The following KIF6 variants were observed in gnomAD, a reference collection of about 807,000 sequenced individuals.
The protein encoded by KIF6 is kinesin family member 6, also known as kinesin-like protein KIF6.
In KIF6, 106 loss-of-function variants were observed where a neutral mutation model predicts 112.7. The ratio of observed to expected loss-of-function variants is 0.94; its 90% confidence interval spans 0.80 to 1.11. The LOEUF is 1.11. Ranked by LOEUF, KIF6 falls within the 50% of genes least tolerant of loss-of-function variation. The probability of loss-of-function intolerance (pLI) is 0.00; values close to 1 mark genes in which losing one functional copy is unlikely to be tolerated. For missense variants in KIF6, 929 were observed against 964.0 expected, an observed-to-expected ratio of 0.96 and a Z score of 0.48; for synonymous variants, 339 against 339.9, an observed-to-expected ratio of 1.00 and a Z score of 0.03.
At chr6:39,346,561 C>T in intron 19 of KIF6, 35 bp from the exon 20 acceptor site, 1 of 688,660 alleles carries the variant, frequency 1.5e-6, no homozygotes, top group Non-Finnish European at 2.6e-6. Flanking sequence ...TTGAGCCACT[C>T]AGTCTATAGT....
At chr6:39,604,867 A>T (rs1483257821) in intron 6 of KIF6, among the ~76,000 whole-genome samples, 1 of 152,100 alleles carries the variant, frequency 6.6e-6, no homozygotes, top group Non-Finnish European at 1.5e-5. Flanking sequence ...CGACTCAAAA[A>T]TTTTGGGAAA....
intron 1 of KIF6, among the ~76,000 whole-genome samples, chr6:39,723,239 G>C (rs1370339977): frequency 6.6e-6 from 1 of 152,056 alleles, no homozygotes; most frequent in Admixed American, 6.6e-5. Context: ...AATTATACGA[G>C]GCAAATGCTT....
At chr6:39,617,785 C>T (rs1049283263) in intron 5 of KIF6, 14 of 453,890 alleles carry the variant, frequency 3.1e-5, no homozygotes, top group Non-Finnish European at 5.3e-5. Context: ...AGAGCAATGT[C>T]AAGAGCAGGT....
intron 6 of KIF6, among the ~76,000 whole-genome samples, chr6:39,608,433 C>T (rs371581486): frequency 6.6e-6 from 1 of 152,122 alleles, no homozygotes; most frequent in Non-Finnish European, 1.5e-5. Flanking sequence ...TTGAATATCT[C>T]ATATAATTTA....
intron 15 of KIF6, among the ~76,000 whole-genome samples, chr6:39,392,500 G>A (rs992315797): frequency 3.3e-5 from 5 of 152,228 alleles, no homozygotes; most frequent in Admixed American, 1.3e-4. Flanking sequence ...GATACTTAAC[G>A]AGATTAATGA....
chr6:39,525,412 C>G (rs139368704), intron 13 of KIF6, among the ~76,000 whole-genome samples: 1 of 152,276 alleles, frequency 6.6e-6, no homozygotes, highest in African/African-American at 2.4e-5. Context: ...AATTCATTTT[C>G]TTGAGTAGGC....
chr6:39,503,150 C>A (rs112471121), intron 13 of KIF6, among the ~76,000 whole-genome samples: 3,997 of 152,162 alleles, frequency 0.026, 91 homozygotes, highest in Non-Finnish European at 0.037. Flanking sequence ...TCTCTCAGAC[C>A]ACAGCACAAT....
intron 10 of KIF6, among the ~76,000 whole-genome samples, chr6:39,572,089 T>G (rs1780670874): frequency 6.6e-6 from 1 of 152,174 alleles, no homozygotes; most frequent in Admixed American, 6.5e-5. Flanking sequence ...TATTACATTT[T>G]TAAACATGGA....
intron 16 of KIF6, among the ~76,000 whole-genome samples, chr6:39,384,039 T>A (rs147036307): frequency 8.0e-4 from 122 of 152,290 alleles, no homozygotes; most frequent in Non-Finnish European, 1.4e-3. Context: ...GGTCTTGGAG[T>A]CTTTTGGCAG....
intron 10 of KIF6, among the ~76,000 whole-genome samples, chr6:39,568,061 C>G (rs953472473): frequency 8.5e-5 from 13 of 152,328 alleles, no homozygotes; most frequent in African/African-American, 3.1e-4. Flanking sequence ...ATATTTACTA[C>G]TGAGAGCCCA....
At chr6:39,376,548 ATG>A (rs1766455516) in intron 16 of KIF6, among the ~76,000 whole-genome samples, 1 of 152,224 alleles carries the variant, frequency 6.6e-6, no homozygotes, top group Admixed American at 6.5e-5. Flanking sequence ...TAAGGCAAAA[ATG>A]TGATGCCTAA....
At chr6:39,710,859 A>G (rs1036705995) in intron 3 of KIF6, among the ~76,000 whole-genome samples, 29 of 151,996 alleles carry the variant, frequency 1.9e-4, no homozygotes, top group Admixed American at 4.6e-4. Context: ...CCCCATCTCT[A>G]TAAAAAATTC....
At chr6:39,597,835 A>G (rs1266671215) in intron 6 of KIF6, among the ~76,000 whole-genome samples, 1 of 152,162 alleles carries the variant, frequency 6.6e-6, no homozygotes, top group Non-Finnish European at 1.5e-5. Flanking sequence ...ACTAGAAGAT[A>G]TTTGCAATAC....
rs556477358 is a variant in KIF6 at position 39,713,963 on chromosome 6, A to G, written c.251+729T>C. 7.2e-5 allele frequency among the ~76,000 whole-genome samples: 11 copies of G among 152,342 alleles called. No homozygotes were observed. In the East Asian group the frequency reaches 1.7e-3, roughly 24 times the overall value. On this transcript the variant is annotated intron_variant, in intron 3 of 22. Coordinates refer to ENST00000287152, the MANE Select transcript of KIF6 (RefSeq NM_145027.6). Reference sequence around the variant, plus strand: ...GTATAATTTTCATTATTTAACTGTAAAGATGAATGTGTCTTGGGATTATCA... The same window carrying G: ...GTATAATTTTCATTATTTAACTGTAGAGATGAATGTGTCTTGGGATTATCA...
intron 5 of KIF6, among the ~76,000 whole-genome samples, chr6:39,620,713 A>C (rs949920406): frequency 6.6e-6 from 1 of 152,076 alleles, no homozygotes. Flanking sequence ...TTATAAATGT[A>C]TGCATGTTAC....
intron 13 of KIF6, among the ~76,000 whole-genome samples, chr6:39,523,060 T>C (rs1402365944): frequency 1.3e-5 from 2 of 152,182 alleles, no homozygotes; most frequent in African/African-American, 2.4e-5. Context: ...TCTTAACATA[T>C]GCATAATTTA....
At chr6:39,468,254 A>G (rs982893370) in intron 13 of KIF6, among the ~76,000 whole-genome samples, 12 of 152,142 alleles carry the variant, frequency 7.9e-5, no homozygotes, top group Admixed American at 6.5e-4. Flanking sequence ...CCAGGATACA[A>G]GTAATGAGAG....
At chr6:39,662,693 C>G (rs777057852) in intron 3 of KIF6, among the ~76,000 whole-genome samples, 1 of 152,072 alleles carries the variant, frequency 6.6e-6, no homozygotes, top group East Asian at 1.9e-4. Context: ...GGGCAATATA[C>G]TGAGCCCCTA....
intron 3 of KIF6, among the ~76,000 whole-genome samples, chr6:39,700,595 C>T (rs1038330459): frequency 6.6e-5 from 10 of 152,162 alleles, no homozygotes; most frequent in African/African-American, 1.9e-4. Flanking sequence ...ATTCAAAACA[C>T]CTGCTTATGC....
Sources: gnomAD v4.1 joint callset for allele counts (sites outside exome capture counted in the v4.1 genomes callset) on GRCh38, gnomAD v4.1.1 for gene constraint, MANE v1.5 for transcripts, NCBI Gene and HGNC (gene_info 2026-07-23, HGNC 2026-07-21) for gene names.